Variants in PCDH9 observed in about 807,000 individuals in gnomAD.
The protein encoded by PCDH9 is protocadherin 9, also known as protocadherin-9.
Under a neutral mutation model 70.6 loss-of-function variants are expected in PCDH9, and 24 were observed. That is an observed-to-expected ratio of 0.34 (90% CI 0.25 to 0.48). PCDH9 has a LOEUF of 0.48. PCDH9 is among the 20% of genes least tolerant of loss of function. PCDH9 has a pLI of 0.99. For missense variants in PCDH9, 1,281 were observed against 1,503.6 expected (o/e 0.85, Z 2.45); for synonymous variants, 562 against 558.5 (o/e 1.01, Z -0.09).
Position 67,226,255 on chromosome 13 carries a change from T to G in PCDH9, c.2186A>C (p.Asp729Ala). Residue 729 changes from aspartate to alanine, a missense_variant, in exon 2 of 5, where the codon GAT becomes GCT. This residue lies in a region of PCDH9 where 798 missense variants were observed against 1,003.1 expected (regional missense o/e 0.80). Transcript: ENST00000377865. The surrounding 1 kb of genome is among the most constrained non-coding windows in gnomAD (Gnocchi z 5.0). ...CAGAGTAATGTTACCTGTTACTGGATCAATCCGGAATAAGCCTTTATTGTT... is the reference window on the plus strand; with the variant it reads ...CAGAGTAATGTTACCTGTTACTGGAGCAATCCGGAATAAGCCTTTATTGTT... ...SGNNKGLFRIDPVTGNITLEE... is the reference protein window; with the variant it reads ...SGNNKGLFRIAPVTGNITLEE... 6.2e-7 allele frequency: 1 copy of G among 1,614,146 alleles called. No homozygotes were observed. Among genetic ancestry groups the G allele is most frequent in the Non-Finnish European group, 8.5e-7 (1 of 1,180,022 alleles).
chr13:66,463,102 G>A (rs1478630950), intron 4 of PCDH9, among the ~76,000 whole-genome samples: 1 of 151,670 alleles, frequency 6.6e-6, no homozygotes, highest in Non-Finnish European at 1.5e-5. Flanking sequence ...TGTAATTTTG[G>A]TGGAAGAAGT....
At chr13:66,981,597 T>C (rs1038655243) in intron 2 of PCDH9, among the ~76,000 whole-genome samples, 1 of 152,008 alleles carries the variant, frequency 6.6e-6, no homozygotes, top group South Asian at 2.1e-4. Flanking sequence ...TTAGATCCTA[T>C]TAATTATACA....
intron 2 of PCDH9, among the ~76,000 whole-genome samples, chr13:67,115,047 T>G (rs2086731949): frequency 1.3e-5 from 2 of 152,184 alleles, no homozygotes; most frequent in Non-Finnish European, 2.9e-5. Context: ...CAAATAGAAT[T>G]TAAACTGGAG....
At chr13:66,405,667 C>A (rs1249820448) in intron 4 of PCDH9, among the ~76,000 whole-genome samples, 4 of 152,114 alleles carry the variant, frequency 2.6e-5, no homozygotes, top group Non-Finnish European at 5.9e-5. Context: ...GATGCAATGA[C>A]TTTACTCTGG....
intron 4 of PCDH9, among the ~76,000 whole-genome samples, chr13:66,581,490 CA>C (rs1297941614): frequency 6.6e-6 from 1 of 152,096 alleles, no homozygotes; most frequent in Admixed American, 6.6e-5. Context: ...ACAATGTTAT[CA>C]GAGATGCTTT....
chr13:66,322,950 C>A (rs1036899627), intron 4 of PCDH9, among the ~76,000 whole-genome samples: 2 of 151,894 alleles, frequency 1.3e-5, no homozygotes, highest in African/African-American at 4.8e-5. Context: ...CAGAAAAATT[C>A]TTTCACTGTG....
intron 2 of PCDH9, among the ~76,000 whole-genome samples, chr13:66,917,177 G>A (rs916976759): frequency 6.6e-6 from 1 of 151,446 alleles, no homozygotes; most frequent in Non-Finnish European, 1.5e-5. Context: ...AGTCAAGTTA[G>A]ACATAGCAAC....
At chr13:66,561,783 T>G (rs997868421) in intron 4 of PCDH9, among the ~76,000 whole-genome samples, 11 of 152,084 alleles carry the variant, frequency 7.2e-5, no homozygotes, top group African/African-American at 2.7e-4. Context: ...ACAGACCACT[T>G]GGCTCTACCA....
At chr13:66,334,411 C>A (rs867276553) in intron 4 of PCDH9, among the ~76,000 whole-genome samples, 14 of 151,978 alleles carry the variant, frequency 9.2e-5, no homozygotes, top group Non-Finnish European at 1.6e-4. Flanking sequence ...AAGAAAACAC[C>A]TCCATAATGT....
intron 3 of PCDH9, among the ~76,000 whole-genome samples, chr13:66,732,785 A>C (rs930897052): frequency 3.3e-5 from 5 of 152,002 alleles, no homozygotes; most frequent in African/African-American, 9.7e-5. Flanking sequence ...GAAAAATTAG[A>C]CTATTAAGAT....
At chr13:66,695,629 T>G (rs2078552176) in intron 3 of PCDH9, among the ~76,000 whole-genome samples, 1 of 152,198 alleles carries the variant, frequency 6.6e-6, no homozygotes, top group Non-Finnish European at 1.5e-5. Context: ...AAAAACTGTC[T>G]GTTAAAATAA....
chr13:66,581,584 A>G (rs1323772476), intron 4 of PCDH9, among the ~76,000 whole-genome samples: 1 of 152,184 alleles, frequency 6.6e-6, no homozygotes, highest in African/African-American at 2.4e-5. Flanking sequence ...GGTAAAAGGA[A>G]GGACGTTACT....
At chr13:66,456,194 C>T (rs1958313472) in intron 4 of PCDH9, among the ~76,000 whole-genome samples, 1 of 152,102 alleles carries the variant, frequency 6.6e-6, no homozygotes, top group African/African-American at 2.4e-5. Context: ...AATTCAAATA[C>T]AAATTTTAAA....
chr13:66,872,575 CT>C (rs141822598), intron 3 of PCDH9, among the ~76,000 whole-genome samples: 10 of 151,808 alleles, frequency 6.6e-5, no homozygotes, highest in Non-Finnish European at 5.9e-5. Flanking sequence ...TTAATAAAGG[CT>C]TTTTTTACAA....
chr13:66,943,470 T>C (rs750537027), intron 2 of PCDH9, among the ~76,000 whole-genome samples: 3 of 152,114 alleles, frequency 2.0e-5, no homozygotes, highest in Non-Finnish European at 2.9e-5. Flanking sequence ...CTATCCTCAA[T>C]AATTTTTCTA....
intron 2 of PCDH9, among the ~76,000 whole-genome samples, chr13:67,062,700 C>T (rs908642180): frequency 3.9e-5 from 6 of 152,008 alleles, no homozygotes; most frequent in African/African-American, 1.2e-4. Flanking sequence ...CAGCAATCTA[C>T]GGAATTATAA....
chr13:66,525,686 TA>T (rs1204495128), intron 4 of PCDH9, among the ~76,000 whole-genome samples: 2 of 152,124 alleles, frequency 1.3e-5, no homozygotes, highest in East Asian at 3.9e-4. Flanking sequence ...TATGTCTCAT[TA>T]AAGTTTCAAG....
At chr13:66,759,005 T>C (rs2079580258) in intron 3 of PCDH9, among the ~76,000 whole-genome samples, 1 of 151,906 alleles carries the variant, frequency 6.6e-6, no homozygotes, top group Non-Finnish European at 1.5e-5. Context: ...TGTATATGAA[T>C]CATCTTTTTT....
chr13:67,088,339 G>A (rs933366232), intron 2 of PCDH9, among the ~76,000 whole-genome samples: 3 of 151,902 alleles, frequency 2.0e-5, no homozygotes, highest in East Asian at 1.9e-4. Flanking sequence ...AGACTAGACC[G>A]CAGGCCATAC....
Sources: gnomAD v4.1 joint callset for allele counts (sites outside exome capture counted in the v4.1 genomes callset) on GRCh38, gnomAD v4.1.1 for gene constraint, gnomAD v4.1.1 regional missense constraint, Gnocchi (gnomAD v3.1) non-coding constraint, MANE v1.5 for transcripts, NCBI Gene and HGNC (gene_info 2026-07-23, HGNC 2026-07-21) for gene names.